KCNIP4: variants seen among roughly 807,000 people sequenced by gnomAD.
KCNIP4 encodes the protein potassium voltage-gated channel interacting protein 4, also known as Kv channel-interacting protein 4.
KCNIP4 carries 12 observed loss-of-function variants against 34.0 expected under a neutral mutation model. The observed-to-expected ratio is 0.35, with a 90% CI of 0.23 to 0.57. KCNIP4 has a LOEUF of 0.57. Ranked by LOEUF, KCNIP4 falls within the 20% of genes least tolerant of loss-of-function variation. The pLI is 0.83. For missense variants in KCNIP4, 238 were observed against 311.7 expected (o/e 0.76, Z 1.78); for synonymous variants, 124 against 102.2 (o/e 1.21, Z -1.29).
chr4:21,554,452 C>T (rs530513364), intron 1 of KCNIP4, among the ~76,000 whole-genome samples: 10 of 152,190 alleles, frequency 6.6e-5, no homozygotes, highest in Admixed American at 1.3e-4. Context: ...AAACTCCAGA[C>T]GTGGAGCTAA....
chr4:21,928,127 T>TATATATATATACACAC lies in KCNIP4; in HGVS notation c.61+20443_61+20444insGTGTGTATATATATAT, dbSNP rs141651426. Among the ~76,000 whole-genome samples, 9 of 143,920 alleles carry TATATATATATACACAC rather than the reference T, an allele frequency of 6.3e-5. No individual in the cohort carries two copies. The Admixed American group carries it at 6.4e-4, about 10-fold the overall frequency. The allele number at this position is 143,920 out of a possible 152,430, so 94.4% of individuals were successfully genotyped here. A position where few individuals can be genotyped will look rare whatever the true frequency, so the allele number is the denominator to read the frequency against. ...ATTAGACTATATATATATATATATA[T>TATATATATATACACAC]ACACACACACACACACACACCATAC... On this transcript the variant is annotated intron_variant, in intron 1 of 8. Transcript: ENST00000382152.
At chr4:21,051,606 C>T (rs1302080274) in intron 1 of KCNIP4, among the ~76,000 whole-genome samples, 1 of 151,886 alleles carries the variant, frequency 6.6e-6, no homozygotes, top group Admixed American at 6.6e-5. Context: ...AGACAATTCT[C>T]AAAATGGCAG....
chr4:21,239,621 A>G (rs1032175696), intron 1 of KCNIP4, among the ~76,000 whole-genome samples: 1 of 152,254 alleles, frequency 6.6e-6, no homozygotes, highest in African/African-American at 2.4e-5. Flanking sequence ...GACACATGAA[A>G]AAATGCTCAT....
intron 1 of KCNIP4, among the ~76,000 whole-genome samples, chr4:21,350,203 A>G (rs1717872265): frequency 6.6e-6 from 1 of 152,190 alleles, no homozygotes; most frequent in Admixed American, 6.6e-5. Context: ...CTGACATTTT[A>G]ACTAAGAATT....
Position 21,528,756 on chromosome 4 carries a change from AAAG to A in KCNIP4, c.61+419812_61+419814del, listed in dbSNP as rs1560489981. Among the ~76,000 whole-genome samples the A allele has an allele frequency of 7.8e-3, 73 of 9,408 alleles. 17 individuals are homozygous for A. Among genetic ancestry groups the A allele is most frequent in the African/African-American group, 0.032 (69 of 2,178 alleles). 6.2% of individuals were successfully genotyped at this position (9,408 alleles called of 152,430 possible). A position where few individuals can be genotyped will look rare whatever the true frequency, so the allele number is the denominator to read the frequency against. Reference sequence around the variant, plus strand: ...GAAAGAAAGAAAGAAAGAAAGAAAGAAAGAAAGAAAGAAAGAAAGAAAGGAAGA... The same window carrying A: ...GAAAGAAAGAAAGAAAGAAAGAAAGAAAAGAAAGAAAGAAAGAAAGGAAGA... On this transcript the variant is annotated intron_variant, in intron 1 of 8. Transcript: ENST00000382152.
In KCNIP4 at chr4:20,916,986, TATATATATATATATATATATATATATATA is replaced by T. The variant is rs1427105456; in HGVS notation, c.62-34306_62-34278del. ...CTTCCACCATTGACCATCTTATGTT[TATATATATATATATATATATATATATATA>T]TATATATATATATATATATATATAT... On this transcript the variant is annotated intron_variant, in intron 1 of 8. Transcript: ENST00000382152. Among the ~76,000 whole-genome samples the T allele has an allele frequency of 3.9e-3, 311 of 78,900 alleles. 17 individuals are homozygous for T. Among genetic ancestry groups the T allele is most frequent in the African/African-American group, 0.011 (221 of 19,658 alleles). The allele number at this position is 78,900 out of a possible 152,430, so 51.8% of individuals were successfully genotyped here. A position where few individuals can be genotyped will look rare whatever the true frequency, so the allele number is the denominator to read the frequency against.
chr4:21,122,981 C>T lies in KCNIP4; in HGVS notation c.62-240272G>A, dbSNP rs148592517. 2.3e-3 allele frequency among the ~76,000 whole-genome samples: 350 copies of T among 152,146 alleles called. 7 individuals carry two copies. The East Asian group carries it at 0.047, about 20-fold the overall frequency. Reference sequence around the variant, plus strand: ...ATCCCAGCACTTTGGGAGGCCAAGGCGGGCAGATCACAAGGTCAGGAGATC... The same window carrying T: ...ATCCCAGCACTTTGGGAGGCCAAGGTGGGCAGATCACAAGGTCAGGAGATC... On this transcript the variant is annotated intron_variant, in intron 1 of 8. Coordinates refer to ENST00000382152, the MANE Select transcript of KCNIP4 (RefSeq NM_025221.6).
At chr4:21,853,848 C>T (rs1724571726) in intron 1 of KCNIP4, among the ~76,000 whole-genome samples, 1 of 152,174 alleles carries the variant, frequency 6.6e-6, no homozygotes, top group South Asian at 2.1e-4. Flanking sequence ...CCTCCCTGGA[C>T]CTCAGTTTAT....
In KCNIP4 at chr4:20,994,057, C is replaced by T. The variant is rs191916542; in HGVS notation, c.62-111348G>A. 3.2e-4 allele frequency among the ~76,000 whole-genome samples: 48 copies of T among 152,292 alleles called. 1 individual carries two copies. In the East Asian group the frequency reaches 8.7e-3, roughly 28 times the overall value. On this transcript the variant is annotated intron_variant, in intron 1 of 8. Coordinates refer to ENST00000382152, the MANE Select transcript of KCNIP4 (RefSeq NM_025221.6). Reference sequence around the variant, plus strand: ...CTTTTATCCTTGTGATTACATTGGGCCCACCTAAATAATCCACCATACAAT... The same window carrying T: ...CTTTTATCCTTGTGATTACATTGGGTCCACCTAAATAATCCACCATACAAT...
At chr4:21,930,023 G>T (rs1729475113) in intron 1 of KCNIP4, among the ~76,000 whole-genome samples, 1 of 152,100 alleles carries the variant, frequency 6.6e-6, no homozygotes, top group South Asian at 2.1e-4. Flanking sequence ...GACCTCTTCT[G>T]TTCGCATGGC....
Position 21,271,841 on chromosome 4 carries a change from G to A in KCNIP4, c.62-389132C>T, listed in dbSNP as rs199532674. ...TCTGCTGGTTTGGCAGTGATTTATC[G>A]AGAATGGGAAAGCAAATCATTACCA... On this transcript the variant is annotated intron_variant, in intron 1 of 8. Coordinates refer to ENST00000382152, the MANE Select transcript of KCNIP4 (RefSeq NM_025221.6). 6.6e-5 allele frequency among the ~76,000 whole-genome samples: 10 copies of A among 152,218 alleles called. No individual in the cohort carries two copies. The East Asian group carries it at 7.7e-4, about 12-fold the overall frequency.
At chr4:21,700,913 T>TA (rs950686238) in intron 1 of KCNIP4, among the ~76,000 whole-genome samples, 3 of 152,088 alleles carry the variant, frequency 2.0e-5, no homozygotes, top group Non-Finnish European at 1.5e-5. Flanking sequence ...GGGATATATA[T>TA]AAAAAATTAA....
intron 1 of KCNIP4, chr4:21,850,594 T>C (rs1724316794): frequency 6.6e-6 from 1 of 152,100 alleles, no homozygotes; most frequent in Non-Finnish European, 1.5e-5. Flanking sequence ...CTGTAAGAAA[T>C]AAATTCCTTT....
Position 21,886,860 on chromosome 4 carries a change from G to A in KCNIP4, c.61+61711C>T, listed in dbSNP as rs929758682. Among the ~76,000 whole-genome samples the A allele has an allele frequency of 1.1e-4, 16 of 151,940 alleles. 1 individual carries two copies. The highest frequency in any genetic ancestry group is 3.9e-4 in the Admixed American group (6 of 15,222). On this transcript the variant is annotated intron_variant, in intron 1 of 8. Transcript: ENST00000382152. ...CATTTTTCTTCATTTTAAGATGTTC[G>A]TTATATTAGGAAACTAAGCCATGTA...
intron 3 of KCNIP4, among the ~76,000 whole-genome samples, chr4:20,826,111 C>T (rs73802349): frequency 0.012 from 1,852 of 151,896 alleles, 51 homozygotes; most frequent in African/African-American, 0.042. Flanking sequence ...GTGGAAATTG[C>T]AAGACCTCAC....
At chr4:21,430,214 A>G (rs1726313387) in intron 1 of KCNIP4, among the ~76,000 whole-genome samples, 1 of 152,160 alleles carries the variant, frequency 6.6e-6, no homozygotes, top group African/African-American at 2.4e-5. Context: ...ACATGATTCA[A>G]TACAAACAGT....
intron 3 of KCNIP4, chr4:20,766,703 G>A (rs751502874): frequency 6.6e-6 from 1 of 152,236 alleles, no homozygotes; most frequent in African/African-American, 2.4e-5. Context: ...TGCTAAGCCT[G>A]ACCTCATGTC....
intron 1 of KCNIP4, among the ~76,000 whole-genome samples, chr4:21,277,005 G>A (rs983988461): frequency 6.6e-6 from 1 of 152,090 alleles, no homozygotes; most frequent in Non-Finnish European, 1.5e-5. Flanking sequence ...TGCTAAGCAC[G>A]GTGTGAAGTC....
At chr4:21,220,562 A>T (rs1218799179) in intron 1 of KCNIP4, among the ~76,000 whole-genome samples, 1 of 151,516 alleles carries the variant, frequency 6.6e-6, no homozygotes, top group African/African-American at 2.4e-5. Flanking sequence ...GTATAATAAT[A>T]AATAATAATA....
Sources: allele counts gnomAD v4.1 joint callset (sites outside exome capture counted in the v4.1 genomes callset), GRCh38; gene constraint gnomAD v4.1.1; transcripts MANE v1.5; gene names NCBI Gene and HGNC (gene_info 2026-07-23, HGNC 2026-07-21).